The following TMEM163 variants were observed in gnomAD, a reference collection of about 807,000 sequenced individuals.
TMEM163 encodes transmembrane protein 163.
A neutral mutation model predicts 29.3 loss-of-function variants in TMEM163; 17 were observed. The ratio of observed to expected loss-of-function variants is 0.58; its 90% CI spans 0.40 to 0.87. TMEM163 has a LOEUF of 0.87. Ranked by LOEUF, TMEM163 falls within the 40% of genes least tolerant of loss-of-function variation. TMEM163 has a pLI of 0.00. For synonymous variants in TMEM163, 157 were observed against 160.6 expected (o/e 0.98, Z 0.17); for missense variants, 303 against 381.5 (o/e 0.79, Z 1.71).
intron 2 of TMEM163, among the ~76,000 whole-genome samples, chr2:134,561,089 A>G (rs1263191613): frequency 6.6e-6 from 1 of 152,262 alleles, no homozygotes; most frequent in Non-Finnish European, 1.5e-5. Context: ...ATGAGCATTT[A>G]TGGGCCGTCT....
chr2:134,484,642 C>T (rs568215476), intron 5 of TMEM163, among the ~76,000 whole-genome samples: 3 of 152,292 alleles, frequency 2.0e-5, no homozygotes, highest in Admixed American at 1.3e-4. Flanking sequence ...AAACCTAATG[C>T]AAGAAAGGAA....
At chr2:134,611,207 T>C (rs1682498646) in intron 2 of TMEM163, among the ~76,000 whole-genome samples, 1 of 152,190 alleles carries the variant, frequency 6.6e-6, no homozygotes, top group African/African-American at 2.4e-5. Context: ...TGTCCCAAAA[T>C]GGCAAAGATC....
rs16830938 is a variant in TMEM163 at position 134,713,285 on chromosome 2, G to A, written c.237C>T (p.His79=). ...CCTTCTTCCTGTAGTTCTGGGCTTC[G>A]TGAGGTTTCAGGCGGGTGCTGCTTT... ...LLESSTRLKP[H]EAQNYRKKAL... is the part of the protein sequence containing the mutation. The change falls in exon 2 of 8, where the codon CAC becomes CAT. Residue 79 remains histidine, a synonymous_variant. Coordinates refer to ENST00000281924, the MANE Select transcript of TMEM163 (RefSeq NM_030923.5). The A allele has an allele frequency of 3.4e-3, 5,467 of 1,614,114 alleles. 46 individuals are homozygous for A. The highest frequency in any genetic ancestry group is 0.032 in the East Asian group (1,425 of 44,876).
intron 2 of TMEM163, among the ~76,000 whole-genome samples, chr2:134,612,074 C>T (rs1682516427): frequency 6.6e-6 from 1 of 152,198 alleles, no homozygotes; most frequent in Non-Finnish European, 1.5e-5. Flanking sequence ...GCCACCACCA[C>T]AGGTGACAGA....
chr2:134,568,617 GAAA>G (rs1681352564), intron 2 of TMEM163, among the ~76,000 whole-genome samples: 1 of 95,170 alleles, frequency 1.1e-5, no homozygotes, highest in African/African-American at 3.9e-5. Flanking sequence ...AGAAGGAAAA[GAAA>G]GAAAAAAGAA....
chr2:134,690,448 G>A (rs1190128748), intron 2 of TMEM163, among the ~76,000 whole-genome samples: 1 of 151,920 alleles, frequency 6.6e-6, no homozygotes, highest in Non-Finnish European at 1.5e-5. Context: ...ACCATACCTG[G>A]CTAATTTTTT....
At chr2:134,578,619 C>A (rs965097372) in intron 2 of TMEM163, among the ~76,000 whole-genome samples, 1 of 152,130 alleles carries the variant, frequency 6.6e-6, no homozygotes, top group Admixed American at 6.5e-5. Flanking sequence ...AAATACTATG[C>A]ACAACCAAAG....
At chr2:134,680,392 T>C (rs1372006411) in intron 2 of TMEM163, among the ~76,000 whole-genome samples, 2 of 151,486 alleles carry the variant, frequency 1.3e-5, no homozygotes, top group Non-Finnish European at 2.9e-5. Context: ...ATGGAGGCTG[T>C]AGTGAGGCGA....
chr2:134,592,541 A>G (rs1681960334), intron 2 of TMEM163, among the ~76,000 whole-genome samples: 1 of 152,118 alleles, frequency 6.6e-6, no homozygotes, highest in African/African-American at 2.4e-5. Flanking sequence ...CTCTATTTTA[A>G]TGTTAATGCT....
intron 5 of TMEM163, among the ~76,000 whole-genome samples, chr2:134,473,293 TG>T (rs1487505319): frequency 6.6e-6 from 1 of 152,024 alleles, no homozygotes; most frequent in Non-Finnish European, 1.5e-5. Context: ...CCCAGGACTT[TG>T]GGAGTCCGAG....
intron 2 of TMEM163, among the ~76,000 whole-genome samples, chr2:134,660,270 T>C (rs1683718496): frequency 6.6e-6 from 1 of 152,112 alleles, no homozygotes; most frequent in South Asian, 2.1e-4. Context: ...TAAAAAAATA[T>C]GATGCTGCCT....
chr2:134,465,159 C>G (rs1184428910), intron 6 of TMEM163, among the ~76,000 whole-genome samples: 1 of 145,610 alleles, frequency 6.9e-6, no homozygotes, highest in African/African-American at 2.7e-5. Context: ...TGAGACCAGC[C>G]TGGGCAACAA....
At chr2:134,592,832 A>G (rs1028033424) in intron 2 of TMEM163, among the ~76,000 whole-genome samples, 1 of 151,838 alleles carries the variant, frequency 6.6e-6, no homozygotes, top group African/African-American at 2.4e-5. Flanking sequence ...CTGTATGCAT[A>G]TATACACATG....
At chr2:134,689,884 CA>C (rs920344631) in intron 2 of TMEM163, among the ~76,000 whole-genome samples, 2 of 152,114 alleles carry the variant, frequency 1.3e-5, no homozygotes, top group Admixed American at 1.3e-4. Flanking sequence ...ATGCAGAGCC[CA>C]AAAGTAAAAG....
At chr2:134,699,691 T>C (rs974842212) in intron 2 of TMEM163, among the ~76,000 whole-genome samples, 1 of 152,176 alleles carries the variant, frequency 6.6e-6, no homozygotes, top group Admixed American at 6.5e-5. Context: ...TTTTTATCTA[T>C]CAACTAGTAA....
intron 4 of TMEM163, among the ~76,000 whole-genome samples, chr2:134,527,455 C>T (rs1180085444): frequency 2.6e-5 from 4 of 152,106 alleles, no homozygotes; most frequent in African/African-American, 9.7e-5. Context: ...GCAAAAGACA[C>T]TTGCCAAAAA....
At chr2:134,520,933 CTGGGAAGGTG>C (rs1432493533) in intron 4 of TMEM163, among the ~76,000 whole-genome samples, 2 of 151,874 alleles carry the variant, frequency 1.3e-5, no homozygotes, top group Non-Finnish European at 2.9e-5. Flanking sequence ...GCATTAGGGT[CTGGGAAGGTG>C]TTAGTTTTTG....
chr2:134,718,880 G>T lies in TMEM163; in HGVS notation c.56C>A (p.Pro19Gln). ...CGGTGGCGCGTGGCCCCGGGGCGGC[G>T]GCGGGACGGTGGGCCCCTGGGAGCT... ...RRSSQGPTVP[P>Q]PPRGHAPPAA... Residue 19 changes from proline to glutamine, a missense_variant, in exon 1 of 8, where the codon CCG (proline) becomes CAG (glutamine). This residue lies in a region of TMEM163 where 100 missense variants were observed against 87.2 expected (regional missense o/e 1.15). Coordinates refer to ENST00000281924, the MANE Select transcript of TMEM163 (RefSeq NM_030923.5). The T allele has an allele frequency of 1.8e-6, 2 of 1,099,990 alleles. No individual in the cohort carries two copies. Among genetic ancestry groups the T allele is most frequent in the South Asian group, 4.3e-5 (1 of 23,204 alleles). 68.1% of individuals were successfully genotyped at this position (1,099,990 alleles called of 1,614,324 possible).
intron 2 of TMEM163, among the ~76,000 whole-genome samples, chr2:134,597,236 T>C (rs1022522133): frequency 2.6e-5 from 4 of 152,238 alleles, no homozygotes; most frequent in Non-Finnish European, 5.9e-5. Context: ...TTCAGCATGA[T>C]ATTGGCTGTG....
Sources: gnomAD v4.1 joint callset for allele counts (sites outside exome capture counted in the v4.1 genomes callset) on GRCh38, gnomAD v4.1.1 for gene constraint, gnomAD v4.1.1 regional missense constraint, MANE v1.5 for transcripts, NCBI Gene and HGNC (gene_info 2026-07-23, HGNC 2026-07-21) for gene names.